Variants in USP54 observed in about 807,000 individuals in gnomAD.
The protein encoded by USP54 is ubiquitin specific peptidase 54, also known as ubiquitin carboxyl-terminal hydrolase 54.
A neutral mutation model predicts 170.5 loss-of-function variants in USP54; 87 were observed. The ratio of observed to expected loss-of-function variants is 0.51; its 90% CI spans 0.43 to 0.61. USP54 has a LOEUF of 0.61. Ranked by LOEUF, USP54 falls within the 20% of genes least tolerant of loss-of-function variation. The pLI is 0.00. For missense variants in USP54, 1,786 were observed against 2,047.8 expected, an observed-to-expected ratio of 0.87 and a Z score of 2.47; for synonymous variants, 655 against 742.8, an observed-to-expected ratio of 0.88 and a Z score of 1.92.
chr10:73,618,728 C>A (rs369209766), intron 1 of USP54, among the ~76,000 whole-genome samples: 1 of 134,592 alleles, frequency 7.4e-6, no homozygotes, highest in Non-Finnish European at 1.5e-5. Context: ...GGTCACAGAG[C>A]GAGACTCCAT....
intron 4 of USP54, among the ~76,000 whole-genome samples, chr10:73,565,083 A>G (rs1025720160): frequency 2.6e-5 from 4 of 152,074 alleles, no homozygotes; most frequent in African/African-American, 9.7e-5. Flanking sequence ...CTAAAAAATA[A>G]TAATACTCAA....
At position 73,499,112 on chromosome 10, in the gene USP54, T is replaced by C. The variant is rs1165196139; in HGVS notation, c.4572A>G (p.Gly1524=). 1 of 1,614,086 alleles carries C rather than the reference T, an allele frequency of 6.2e-7. No homozygotes were observed. The highest frequency in any genetic ancestry group is 1.1e-5 in the South Asian group (1 of 91,078). ...GETSQGAKYT[G]RTLNYQSLPH... ...GGAGGCTCTGGTAGTTCAAAGTCCT[T>C]CCTGTGTACTTGGCCCCTTGGGAAG... Residue 1524 remains glycine, a synonymous_variant, in exon 24 of 24, where the codon GGA becomes GGG. Transcript: ENST00000687698.
upstream of USP54, among the ~76,000 whole-genome samples, chr10:73,593,465 CAT>C (rs1256830218): frequency 6.6e-6 from 1 of 150,898 alleles, no homozygotes; most frequent in Admixed American, 6.6e-5. Flanking sequence ...GAGAGTGATA[CAT>C]AGTGTTTCAG....
chr10:73,529,558 G>C, intron 15 of USP54, 122 bp downstream of exon 15: 1 of 1,089,218 alleles, frequency 9.2e-7, no homozygotes, highest in South Asian at 1.3e-5. Flanking sequence ...GAAGTTGAAA[G>C]AGCACATAGA....
chr10:73,513,449 A>C (rs1479116289), intron 20 of USP54: 5 of 151,250 alleles, frequency 3.3e-5, no homozygotes, highest in South Asian at 2.1e-4. Context: ...TGGATGACAG[A>C]GCGAGACTGC....
chr10:73,585,698 AT>A (rs2077400193), intron 1 of USP54, among the ~76,000 whole-genome samples: 1 of 152,308 alleles, frequency 6.6e-6, no homozygotes, highest in Admixed American at 6.5e-5. Flanking sequence ...TTTATGCTGC[AT>A]ATTTTTGATA....
At chr10:73,524,709 T>C (rs1196756042) in intron 16 of USP54, among the ~76,000 whole-genome samples, 2 of 152,196 alleles carry the variant, frequency 1.3e-5, no homozygotes, top group African/African-American at 4.8e-5. Flanking sequence ...TTTACATGTA[T>C]TATTTCATTT....
At position 73,529,721 on chromosome 10, in the gene USP54, G is replaced by A. The variant is rs775633163; in HGVS notation, c.2019C>T (p.Val673=). The change falls in exon 15 of 24, where the codon GTC becomes GTT. Residue 673 remains valine, a synonymous_variant. Coordinates refer to ENST00000687698, the MANE Select transcript of USP54 (RefSeq NM_001391956.1). Reference sequence around the variant, plus strand: ...TCTCAGGCAGGGCTGCATCCAGGCTGACAGGGCTGCTGCTGTTCCTCTCAC... The same window carrying A: ...TCTCAGGCAGGGCTGCATCCAGGCTAACAGGGCTGCTGCTGTTCCTCTCAC... ...ESSERNSSSP[V]SLDAALPESS... 26 of 1,613,978 alleles carry A rather than the reference G, an allele frequency of 1.6e-5. No homozygotes were observed. Among genetic ancestry groups the A allele is most frequent in the Non-Finnish European group, 2.2e-5 (26 of 1,179,842 alleles).
chr10:73,545,284 A>G (rs2067535519), intron 5 of USP54, among the ~76,000 whole-genome samples: 1 of 152,194 alleles, frequency 6.6e-6, no homozygotes, highest in Non-Finnish European at 1.5e-5. Flanking sequence ...CTGTATTTTA[A>G]TGAGCCTTGG....
intron 7 of USP54, 146 bp from the exon 8 acceptor site, chr10:73,541,884 A>G: frequency 1.4e-6 from 1 of 708,340 alleles, no homozygotes; most frequent in Non-Finnish European, 2.4e-6. Flanking sequence ...GTGTCCCATA[A>G]ACACAGTAAG....
intron 1 of USP54, among the ~76,000 whole-genome samples, chr10:73,613,749 C>T (rs1490861688): frequency 2.0e-5 from 3 of 151,474 alleles, no homozygotes; most frequent in Non-Finnish European, 4.4e-5. Flanking sequence ...CGTGGTGGCG[C>T]GTGCCTGTAA....
intron 1 of USP54, chr10:73,613,809 G>A (rs1346913533): frequency 1.3e-5 from 2 of 152,064 alleles, no homozygotes; most frequent in Non-Finnish European, 2.9e-5. Flanking sequence ...AACCCAGAAG[G>A]CGGAGGTTAC....
At chr10:73,520,623 C>T (rs148903560) in intron 18 of USP54, among the ~76,000 whole-genome samples, 1 of 152,320 alleles carries the variant, frequency 6.6e-6, no homozygotes, top group African/African-American at 2.4e-5. Context: ...ACTAATTTCA[C>T]ATCTGAGGTC....
At chr10:73,537,703 T>C (rs1729254220) in intron 10 of USP54, 1 of 147,974 alleles carries the variant, frequency 6.8e-6, no homozygotes. Context: ...CCTTATAACC[T>C]CATTTGAGGC....
At chr10:73,585,034 T>C (rs1448348109) in intron 1 of USP54, among the ~76,000 whole-genome samples, 1 of 152,184 alleles carries the variant, frequency 6.6e-6, no homozygotes. Context: ...TTCAAAATAT[T>C]TAATGGCTCC....
upstream of USP54, chr10:73,625,808 G>A (rs1171616761): frequency 1.3e-5 from 2 of 152,074 alleles, no homozygotes; most frequent in East Asian, 3.9e-4. Context: ...CAGGACCCAG[G>A]TCCTGCCCCA....
intron 10 of USP54, among the ~76,000 whole-genome samples, chr10:73,537,138 C>A (rs758078362): frequency 1.3e-5 from 2 of 152,116 alleles, no homozygotes; most frequent in Admixed American, 6.5e-5. Flanking sequence ...TGGGGTTAGA[C>A]AACTAGCATA....
chr10:73,528,399 C>CCACCACCACG (rs1463934076), intron 15 of USP54, among the ~76,000 whole-genome samples: 1 of 150,768 alleles, frequency 6.6e-6, no homozygotes, highest in Non-Finnish European at 1.5e-5. Context: ...TTACAGGCTC[C>CCACCACCACG]CACCACCACG....
rs1345546943 is a variant in USP54 at position 73,504,565 on chromosome 10, C to A, written c.4311+285G>T. On this transcript the variant is annotated intron_variant, in intron 22 of 23. Coordinates refer to ENST00000687698, the MANE Select transcript of USP54 (RefSeq NM_001391956.1). ...CAGTGGGTTCTGACCCAATCAGCAG[C>A]CTTTGCTTCTCAGATTCCTCTCAAG... is the stretch of plus-strand genomic sequence containing the variant. 5 of 448,484 alleles carry A rather than the reference C, an allele frequency of 1.1e-5. No individual in the cohort carries two copies. In the Admixed American group the frequency reaches 1.4e-4, roughly 12 times the overall value. The allele number at this position is 448,484 out of a possible 1,614,324, so 27.8% of individuals were successfully genotyped here.
Sources: allele counts gnomAD v4.1 joint callset (sites outside exome capture counted in the v4.1 genomes callset), GRCh38; gene constraint gnomAD v4.1.1; transcripts MANE v1.5; gene names NCBI Gene and HGNC (gene_info 2026-07-23, HGNC 2026-07-21).